CA8: variants seen among roughly 807,000 people sequenced by gnomAD.
The protein encoded by CA8 is carbonic anhydrase-related protein.
A neutral mutation model predicts 41.4 loss-of-function variants in CA8; 22 were observed. The observed-to-expected ratio is 0.53, with a 90% confidence interval of 0.38 to 0.76. The LOEUF (loss-of-function observed/expected upper bound fraction) is 0.76. Ranked by LOEUF, CA8 falls within the 30% of genes least tolerant of loss-of-function variation. The probability of loss-of-function intolerance (pLI) is 0.00; values close to 1 mark genes in which losing one functional copy is unlikely to be tolerated. For synonymous variants in CA8, 121 were observed against 130.6 expected, an observed-to-expected ratio of 0.93 and a Z score of 0.50; for missense variants, 270 against 352.8, an observed-to-expected ratio of 0.77 and a Z score of 1.88.
chr8:60,278,574 C>A (rs1346936648), intron 2 of CA8, among the ~76,000 whole-genome samples: 1 of 152,088 alleles, frequency 6.6e-6, no homozygotes, highest in Non-Finnish European at 1.5e-5. Context: ...CCCACACCCC[C>A]AAAAAAATTC....
chr8:60,246,709 T>A (rs1293446113), intron 3 of CA8, among the ~76,000 whole-genome samples: 2 of 152,162 alleles, frequency 1.3e-5, no homozygotes, highest in Middle Eastern at 3.2e-3. Context: ...CTGTACATAA[T>A]GTAACTCAGA....
Position 60,189,935 on chromosome 8 carries a change from CAA to C in CA8, c.*84_*85del. On this transcript the variant is annotated 3_prime_UTR_variant, in exon 9 of 9. Coordinates refer to ENST00000317995, the MANE Select transcript of CA8 (RefSeq NM_004056.6). The stretch of plus-strand genomic sequence containing the variant: ...TTGAGGATAAACTGAAGGTGCAGCT[CAA>C]AAGTTTCCTTTTCTTATCCAAGGGC... The C allele has an allele frequency of 6.7e-6, 1 of 149,254 alleles. No homozygotes were observed. The highest frequency in any genetic ancestry group is 2.5e-5 in the African/African-American group (1 of 40,552). The allele number at this position is 149,254 out of a possible 1,614,324, so 9.2% of individuals were successfully genotyped here.
At chr8:60,235,710 G>A (rs998491357) in intron 3 of CA8, among the ~76,000 whole-genome samples, 1 of 152,216 alleles carries the variant, frequency 6.6e-6, no homozygotes, top group Non-Finnish European at 1.5e-5. Context: ...TTAGTGGGTA[G>A]CTAGAGGGTA....
chr8:60,225,022 C>T (rs1195961500), intron 5 of CA8, among the ~76,000 whole-genome samples: 1 of 151,946 alleles, frequency 6.6e-6, no homozygotes, highest in Non-Finnish European at 1.5e-5. Flanking sequence ...AGGCTTGCAA[C>T]TTCCTGTCTT....
At chr8:60,241,748 TAA>T (rs551527814) in intron 3 of CA8, among the ~76,000 whole-genome samples, 2 of 144,964 alleles carry the variant, frequency 1.4e-5, no homozygotes, top group Non-Finnish European at 1.5e-5. Flanking sequence ...TTTTATTTTC[TAA>T]AAAAAAAAAA....
intron 7 of CA8, among the ~76,000 whole-genome samples, chr8:60,209,154 C>T (rs1388899478): frequency 6.6e-6 from 1 of 152,176 alleles, no homozygotes; most frequent in African/African-American, 2.4e-5. Flanking sequence ...CTCTGAACAA[C>T]TCAAATAGAT....
chr8:60,199,967 T>C (rs1806376212), intron 8 of CA8, among the ~76,000 whole-genome samples: 1 of 152,226 alleles, frequency 6.6e-6, no homozygotes. Flanking sequence ...TTTACCTTTC[T>C]GTTACATGGT....
At chr8:60,259,227 T>C (rs1318753932) in intron 3 of CA8, among the ~76,000 whole-genome samples, 2 of 152,194 alleles carry the variant, frequency 1.3e-5, no homozygotes, top group Admixed American at 6.5e-5. Flanking sequence ...TCTGAAAATA[T>C]ATTGACAGAA....
chr8:60,262,364 A>G (rs887512201), intron 3 of CA8, among the ~76,000 whole-genome samples: 7 of 151,482 alleles, frequency 4.6e-5, no homozygotes, highest in African/African-American at 1.7e-4. Context: ...ATCATATAGC[A>G]TTAAAGTTAG....
Position 60,229,669 on chromosome 8 carries a change from T to C in CA8, c.513+2615A>G, listed in dbSNP as rs182470944. Among the ~76,000 whole-genome samples the C allele has an allele frequency of 2.6e-5, 4 of 152,210 alleles. No individual in the cohort carries two copies. In the East Asian group the frequency reaches 7.7e-4, roughly 29 times the overall value. ...TGGTACGTGCTCTCATTCTGAAAAC[T>C]TTAACTCTGAAAGACTGGCCTCTCT... On this transcript the variant is annotated intron_variant, in intron 4 of 8. Coordinates refer to ENST00000317995, the MANE Select transcript of CA8 (RefSeq NM_004056.6).
chr8:60,234,969 G>C (rs1351873837), intron 3 of CA8, among the ~76,000 whole-genome samples: 1 of 152,154 alleles, frequency 6.6e-6, no homozygotes, highest in Non-Finnish European at 1.5e-5. Context: ...CTGGAACTTG[G>C]CCAACCTTCA....
At chr8:60,268,226 A>T (rs529774939) in intron 2 of CA8, among the ~76,000 whole-genome samples, 2 of 152,330 alleles carry the variant, frequency 1.3e-5, no homozygotes, top group Admixed American at 1.3e-4. Context: ...GAGTGTCATG[A>T]AATGAAGCAC....
At chr8:60,280,953 C>G (rs1234515145) in intron 1 of CA8, 95 bp downstream of exon 1, 1 of 886,240 alleles carries the variant, frequency 1.1e-6, no homozygotes, top group Non-Finnish European at 1.9e-6. Flanking sequence ...TGGGGGTGCT[C>G]GGAGCGCGCA....
chr8:60,249,000 C>T (rs907612354), intron 3 of CA8, among the ~76,000 whole-genome samples: 2 of 152,140 alleles, frequency 1.3e-5, no homozygotes, highest in African/African-American at 4.8e-5. Flanking sequence ...ATATTCCCAG[C>T]TATTTTATTC....
At chr8:60,261,426 C>T (rs1803729675) in intron 3 of CA8, among the ~76,000 whole-genome samples, 1 of 152,172 alleles carries the variant, frequency 6.6e-6, no homozygotes, top group African/African-American at 2.4e-5. Context: ...GCAATTCACT[C>T]TTCAATCATA....
At chr8:60,270,700 G>A (rs927629594) in intron 2 of CA8, among the ~76,000 whole-genome samples, 1 of 152,200 alleles carries the variant, frequency 6.6e-6, no homozygotes, top group Admixed American at 6.5e-5. Flanking sequence ...ACAGGCATGA[G>A]CCACCATGCC....
intron 4 of CA8, among the ~76,000 whole-genome samples, chr8:60,231,684 C>T (rs1236200975): frequency 2.0e-5 from 3 of 152,176 alleles, no homozygotes; most frequent in Non-Finnish European, 4.4e-5. Flanking sequence ...AGAAGATTCG[C>T]CTTAAAAACT....
At chr8:60,190,260 TA>T (rs1336754784) in intron 8 of CA8, among the ~76,000 whole-genome samples, 2 of 151,452 alleles carry the variant, frequency 1.3e-5, no homozygotes, top group Non-Finnish European at 3.0e-5. Flanking sequence ...TGAACTATTT[TA>T]CAAACAAAAA....
At chr8:60,196,442 G>A (rs1195499101) in intron 8 of CA8, among the ~76,000 whole-genome samples, 1 of 152,024 alleles carries the variant, frequency 6.6e-6, no homozygotes, top group Non-Finnish European at 1.5e-5. Flanking sequence ...GCAAATAGAG[G>A]TGCTGTGTTC....
Sources: allele counts gnomAD v4.1 joint callset (sites outside exome capture counted in the v4.1 genomes callset), GRCh38; gene constraint gnomAD v4.1.1; transcripts MANE v1.5; gene names NCBI Gene and HGNC (gene_info 2026-07-23, HGNC 2026-07-21).